The following KCNH3 variants were observed in gnomAD, a reference collection of about 807,000 sequenced individuals.
KCNH3 encodes the protein voltage-gated inwardly rectifying potassium channel KCNH3.
A neutral mutation model predicts 95.6 loss-of-function variants in KCNH3; 36 were observed. The ratio of observed to expected loss-of-function variants is 0.38; its 90% CI spans 0.29 to 0.50. The LOEUF (loss-of-function observed/expected upper bound fraction) is 0.50. Among genes scored for constraint, KCNH3 ranks in the 20% least tolerant of loss-of-function variants. The pLI is 0.95. For missense variants in KCNH3, 1,030 were observed against 1,484.1 expected (o/e 0.69, Z 5.03); for synonymous variants, 620 against 646.3 (o/e 0.96, Z 0.62).
intron 13 of KCNH3, 34 bp from the exon 14 acceptor site, chr12:49,557,149 G>A: frequency 6.2e-7 from 1 of 1,611,374 alleles, no homozygotes; most frequent in Middle Eastern, 1.7e-4. Context: ...CCTCTTACCA[G>A]CCCCAGCTGA....
intron 5 of KCNH3, 26 bp downstream of exon 5, chr12:49,543,544 C>T (rs759840841): frequency 1.5e-5 from 24 of 1,579,640 alleles, no homozygotes; most frequent in Non-Finnish European, 2.1e-5. Context: ...CCCTTCCGCC[C>T]CACCCTTTGC....
Position 49,557,986 on chromosome 12 carries a change from T to A in KCNH3, c.*33T>A. 5.5e-6 allele frequency: 8 copies of A among 1,443,862 alleles called. No individual in the cohort carries two copies. The highest frequency in any genetic ancestry group is 7.3e-6 in the Non-Finnish European group (8 of 1,094,870). The allele number at this position is 1,443,862 out of a possible 1,614,324, so 89.4% of individuals were successfully genotyped here. On this transcript the variant is annotated 3_prime_UTR_variant, in exon 15 of 15. Transcript: ENST00000257981. The stretch of plus-strand genomic sequence containing the variant: ...CCCTAGAACTCAGCGTTGCCAGGTG[T>A]GCTGCCATCTGCTGTTCGGCCCAAC...
In KCNH3 at chr12:49,558,287, AAT is replaced by A; in HGVS notation, c.*336_*337del. On this transcript the variant is annotated 3_prime_UTR_variant, in exon 15 of 15. Coordinates refer to ENST00000257981, the MANE Select transcript of KCNH3 (RefSeq NM_012284.3). ...CCAAATTTTTATATTAAAAAAAAAA[AAT>A]AAAATAAACTACTTTGGAACCTGGT... 1 of 395,366 alleles carries A rather than the reference AAT, an allele frequency of 2.5e-6. No individual in the cohort carries two copies. The highest frequency in any genetic ancestry group is 4.4e-6 in the Non-Finnish European group (1 of 225,158). The allele number at this position is 395,366 out of a possible 1,614,324, so 24.5% of individuals were successfully genotyped here. A position where few individuals can be genotyped will look rare whatever the true frequency, so the allele number is the denominator to read the frequency against.
intron 2 of KCNH3, among the ~76,000 whole-genome samples, chr12:49,541,353 C>T (rs927957793): frequency 6.6e-6 from 1 of 152,232 alleles, no homozygotes; most frequent in Non-Finnish European, 1.5e-5. Flanking sequence ...GCATTCAGTT[C>T]CAACCTCGGG....
In KCNH3 at chr12:49,555,873, C is replaced by T. The variant is rs1436290097; in HGVS notation, c.2390C>T (p.Pro797Leu). 1 of 1,609,236 alleles carries T rather than the reference C, an allele frequency of 6.2e-7. No individual in the cohort carries two copies. Among genetic ancestry groups the T allele is most frequent in the Admixed American group, 1.7e-5 (1 of 59,682 alleles). The change falls in exon 12 of 15, where the codon CCC (proline) becomes CTC (leucine). Residue 797 changes from proline to leucine, a missense_variant. This residue lies in a region of KCNH3 where 464 missense variants were observed against 493.2 expected (regional missense o/e 0.94). Transcript: ENST00000257981. ...RAGALKAEAG[P>L]SAPPRALEGL... ...GGGGCTTTGAAGGCTGAGGCTGGCC[C>T]CTCTGCTCCCCCACGGGCCCTAGAG...
chr12:49,547,694 C>T (rs140195056), intron 7 of KCNH3, among the ~76,000 whole-genome samples: 292 of 152,168 alleles, frequency 1.9e-3, no homozygotes, highest in African/African-American at 6.8e-3. Context: ...GGCCACAGGA[C>T]CCATATGCCT....
intron 4 of KCNH3, 121 bp from the exon 5 acceptor site, chr12:49,543,154 C>G: frequency 9.0e-7 from 1 of 1,107,436 alleles, no homozygotes; most frequent in Non-Finnish European, 1.3e-6. Context: ...CATCTCGAAG[C>G]AGATGCTGCT....
intron 1 of KCNH3, among the ~76,000 whole-genome samples, chr12:49,540,229 C>G (rs1488655331): frequency 1.3e-5 from 2 of 152,208 alleles, no homozygotes; most frequent in African/African-American, 4.8e-5. Flanking sequence ...GAGCCCAGCC[C>G]TGCGCTCTCC....
intron 6 of KCNH3, 30 bp from the exon 7 acceptor site, chr12:49,544,145 T>G: frequency 6.2e-5 from 51 of 817,952 alleles, no homozygotes; most frequent in Non-Finnish European, 9.8e-5. Flanking sequence ...CTGACCTCCC[T>G]CCCTCCCTCC....
Position 49,557,897 on chromosome 12 carries a change from G to A in KCNH3, c.3196G>A (p.Gly1066Ser). Residue 1066 changes from glycine (G) to serine (S), a missense_variant, in exon 15 of 15, where the codon GGC becomes AGC. Physicochemically the swap from Gly to Ser is moderately conservative, Grantham distance 56. Transcript: ENST00000257981. Reference sequence around the variant, plus strand: ...CCACAGCCTGGAGATGGTGCTTATTGGCTGCCATGGCTCTGGCACAGTCCA... The same window carrying A: ...CCACAGCCTGGAGATGGTGCTTATTAGCTGCCATGGCTCTGGCACAGTCCA... ...DPHSLEMVLI[G>S]CHGSGTVQWT... 5 of 1,539,236 alleles carry A rather than the reference G, an allele frequency of 3.2e-6. No homozygotes were observed. Among genetic ancestry groups the A allele is most frequent in the Non-Finnish European group, 4.4e-6 (5 of 1,143,522 alleles).
At chr12:49,544,124 G>T in intron 6 of KCNH3, 51 bp from the exon 7 acceptor site, 1 of 1,604,740 alleles carries the variant, frequency 6.2e-7, no homozygotes. Flanking sequence ...GGGACAGGCA[G>T]GGCCGGCCCG....
At chr12:49,546,956 G>A (rs1344282310) in intron 7 of KCNH3, among the ~76,000 whole-genome samples, 3 of 152,178 alleles carry the variant, frequency 2.0e-5, no homozygotes, top group Non-Finnish European at 4.4e-5. Flanking sequence ...GTGCAACGGC[G>A]CAATCTCGGC....
intron 7 of KCNH3, among the ~76,000 whole-genome samples, 166 bp downstream of exon 7, chr12:49,544,548 C>T (rs562453507): frequency 1.6e-4 from 24 of 152,180 alleles, no homozygotes; most frequent in Non-Finnish European, 2.4e-4. Context: ...CACCACGTGA[C>T]GGGCCTGTTC....
At chr12:49,552,526 T>C (rs1292453208) in intron 10 of KCNH3, among the ~76,000 whole-genome samples, 3 of 152,236 alleles carry the variant, frequency 2.0e-5, no homozygotes, top group African/African-American at 7.2e-5. Flanking sequence ...CTGCTTTGCC[T>C]TCATACCTAC....
chr12:49,557,479 G>A lies in KCNH3; in HGVS notation c.2778G>A (p.Pro926=), dbSNP rs372205460. 42 of 1,611,112 alleles carry A rather than the reference G, an allele frequency of 2.6e-5. No homozygotes were observed. Among genetic ancestry groups the A allele is most frequent in the Non-Finnish European group, 3.2e-5 (38 of 1,179,568 alleles). The change falls in exon 15 of 15, where the codon CCG becomes CCA. Residue 926 remains proline, a synonymous_variant. Transcript: ENST00000257981. ...GPCPRASGEG[P]CPASTSGLLQ... ...GCCCTCGGGCATCGGGAGAGGGGCCGTGCCCAGCCAGCACCTCCGGGCTTC... is the reference window on the plus strand; with the variant it reads ...GCCCTCGGGCATCGGGAGAGGGGCCATGCCCAGCCAGCACCTCCGGGCTTC...
intron 10 of KCNH3, among the ~76,000 whole-genome samples, chr12:49,553,967 C>T (rs953267860): frequency 6.6e-6 from 1 of 152,222 alleles, no homozygotes; most frequent in Non-Finnish European, 1.5e-5. Context: ...AGAGATAGGG[C>T]CTGGGTGTTT....
chr12:49,549,762 C>G lies in KCNH3; in HGVS notation c.1668+122C>G. On this transcript the variant is annotated intron_variant, in intron 9 of 14. Transcript: ENST00000257981. Reference sequence around the variant, plus strand: ...TTTGGCCCCTGTGCCTCCCTTCTCTCTTGAGGGGACAGCGGCATGGGACAG... The same window carrying G: ...TTTGGCCCCTGTGCCTCCCTTCTCTGTTGAGGGGACAGCGGCATGGGACAG... 21 of 946,672 alleles carry G rather than the reference C, an allele frequency of 2.2e-5. 1 individual carries two copies. The highest frequency in any genetic ancestry group is 3.3e-5 in the Non-Finnish European group (21 of 631,066). 58.6% of individuals were successfully genotyped at this position (946,672 alleles called of 1,614,324 possible).
chr12:49,540,688 C>G (rs1156400949), intron 1 of KCNH3, among the ~76,000 whole-genome samples: 2 of 152,258 alleles, frequency 1.3e-5, no homozygotes, highest in Non-Finnish European at 2.9e-5. Flanking sequence ...TTCACATGTG[C>G]TGATCCTTGA....
chr12:49,552,108 T>A (rs577498657), intron 10 of KCNH3, among the ~76,000 whole-genome samples: 1 of 152,324 alleles, frequency 6.6e-6, no homozygotes, highest in African/African-American at 2.4e-5. Flanking sequence ...TGGCAATCCT[T>A]GGAGAGATTC....
Sources: allele counts gnomAD v4.1 joint callset (sites outside exome capture counted in the v4.1 genomes callset), GRCh38; gene constraint gnomAD v4.1.1; regional missense constraint gnomAD v4.1.1; transcripts MANE v1.5; gene names NCBI Gene and HGNC (gene_info 2026-07-23, HGNC 2026-07-21).